AHCY: variants seen among roughly 807,000 people sequenced by gnomAD.
The protein encoded by AHCY is adenosylhomocysteinase, also known as S-adenosyl-L-homocysteine hydrolase.
Under a neutral mutation model 45.4 loss-of-function variants are expected in AHCY, and 24 were observed. That is an observed-to-expected ratio of 0.53 (90% CI 0.38 to 0.74). AHCY has a LOEUF of 0.74. Ranked by LOEUF, AHCY falls within the 30% of genes least tolerant of loss-of-function variation. The probability of loss-of-function intolerance (pLI) is 0.00; values close to 1 mark genes in which losing one functional copy is unlikely to be tolerated. For synonymous variants in AHCY, 245 were observed against 235.1 expected (o/e 1.04, Z -0.39); for missense variants, 449 against 594.1 (o/e 0.76, Z 2.54).
At chr20:34,296,939 C>T (rs549343151) in intron 1 of AHCY, among the ~76,000 whole-genome samples, 11 of 152,238 alleles carry the variant, frequency 7.2e-5, no homozygotes, top group African/African-American at 2.6e-4. Flanking sequence ...GAGACCACTC[C>T]GGCTGTGCCT....
the AHCY span, chr20:34,241,502 G>GT: frequency 1.0e-6 from 1 of 985,272 alleles, no homozygotes; most frequent in Non-Finnish European, 1.2e-6. Context: ...GAGTTTAGAT[G>GT]GCAACTTTAA....
In AHCY at chr20:34,287,140, G is replaced by C. The variant is rs145337397; in HGVS notation, c.973-1506C>G. Among the ~76,000 whole-genome samples, 480 of 152,178 alleles carry C rather than the reference G, an allele frequency of 3.2e-3. 3 individuals are homozygous for C. The highest frequency in any genetic ancestry group is 0.012 in the South Asian group (56 of 4,818). On this transcript the variant is annotated intron_variant, in intron 8 of 9. Transcript: ENST00000217426. ...CAAGCTGCTCCAGAGGCCTAGTACC[G>C]ATCCAAGGAAAGGTCTCTGATGCCC... is the stretch of plus-strand genomic sequence containing the variant.
At chr20:34,251,722 G>A in the AHCY span, among the ~76,000 whole-genome samples, 1 of 152,168 alleles carries the variant, frequency 6.6e-6, no homozygotes, top group Non-Finnish European at 1.5e-5. Context: ...GTAAGGAGGT[G>A]GGGCCTTTTG....
chr20:34,274,777 T>C, the AHCY span, among the ~76,000 whole-genome samples: 5 of 151,758 alleles, frequency 3.3e-5, no homozygotes, highest in Non-Finnish European at 5.9e-5. Flanking sequence ...CGAGCCCCCA[T>C]CTCTACAAAA....
chr20:34,245,952 T>C, the AHCY span: 1 of 1,521,752 alleles, frequency 6.6e-7, no homozygotes, highest in Non-Finnish European at 9.0e-7. Flanking sequence ...AATTTTCAAA[T>C]TCACTTCTTT....
chr20:34,305,463 G>C (rs1332819840), upstream of AHCY, among the ~76,000 whole-genome samples: 1 of 152,118 alleles, frequency 6.6e-6, no homozygotes, highest in Non-Finnish European at 1.5e-5. Context: ...AGGGAACGAG[G>C]GTCCACGCCT....
the AHCY span, among the ~76,000 whole-genome samples, chr20:34,240,916 T>A: frequency 6.6e-6 from 1 of 152,076 alleles, no homozygotes; most frequent in African/African-American, 2.4e-5. Context: ...GCAACCAGAA[T>A]GAGTATGAAG....
At position 34,303,243 on chromosome 20, in the gene AHCY, C is replaced by T; in HGVS notation, c.28G>A (p.Ala10Thr). The change falls in exon 1 of 10, where the codon GCC (alanine) becomes ACC (threonine). Residue 10 changes from alanine to threonine, a missense_variant and splice_region_variant. Coordinates refer to ENST00000217426, the MANE Select transcript of AHCY (RefSeq NM_000687.4). ...ACCGGCTGCAGGTCCTGGGACTCAC[C>T]GACTTTGTAGGGCAGTTTGTCAGAC... MSDKLPYKV[A>T]DIGLAAWGRK... The T allele has an allele frequency of 2.6e-6, 4 of 1,551,618 alleles. No homozygotes were observed. Among genetic ancestry groups the T allele is most frequent in the South Asian group, 1.2e-5 (1 of 84,066 alleles).
At chr20:34,283,262 G>A (rs773513956) in intron 9 of AHCY, among the ~76,000 whole-genome samples, 9 of 152,140 alleles carry the variant, frequency 5.9e-5, no homozygotes, top group African/African-American at 9.7e-5. Flanking sequence ...GACAGAGCTA[G>A]GTTCTATTCC....
At chr20:34,252,743 C>T in the AHCY span, among the ~76,000 whole-genome samples, 1 of 152,072 alleles carries the variant, frequency 6.6e-6, no homozygotes, top group South Asian at 2.1e-4. Flanking sequence ...CCCACGAGGC[C>T]ATATCTCAGG....
downstream of AHCY, among the ~76,000 whole-genome samples, chr20:34,275,682 CTTT>C (rs57480737): frequency 1.4e-5 from 2 of 140,112 alleles, no homozygotes. Flanking sequence ...TTATATCTTT[CTTT>C]TTTTTTTTTT....
At chr20:34,259,525 AAGAGTT>A in the AHCY span, among the ~76,000 whole-genome samples, 1 of 151,996 alleles carries the variant, frequency 6.6e-6, no homozygotes. Flanking sequence ...AAAAAATAAA[AAGAGTT>A]AGAAAATATA....
the AHCY span, among the ~76,000 whole-genome samples, chr20:34,245,474 G>C: frequency 6.7e-6 from 1 of 148,500 alleles, no homozygotes; most frequent in African/African-American, 2.5e-5. Context: ...TGCAACCTCC[G>C]CCTCCCAGGT....
At chr20:34,257,081 T>TTC in the AHCY span, among the ~76,000 whole-genome samples, 1 of 147,372 alleles carries the variant, frequency 6.8e-6, no homozygotes, top group Non-Finnish European at 1.5e-5. Flanking sequence ...TTTTTTTTTT[T>TTC]TGTTTTTTGT....
rs763705909 is a variant in AHCY at position 34,290,591 on chromosome 20, A to G, written c.814T>C (p.Phe272Leu). 2 of 1,614,168 alleles carry G rather than the reference A, an allele frequency of 1.2e-6. No individual in the cohort carries two copies. Among genetic ancestry groups the G allele is most frequent in the Non-Finnish European group, 1.7e-6 (2 of 1,180,038 alleles). The change falls in exon 7 of 10, where the codon TTT (phenylalanine) becomes CTT (leucine). Residue 272 changes from phenylalanine (F) to leucine (L), a missense_variant. Transcript: ENST00000217426. The surrounding 1 kb of genome is among the most constrained non-coding windows in gnomAD (Gnocchi z 4.5). ...MDEACQEGNI[F>L]VTTTGCIDII... ...TCAATACAGCCTGTGGTGGTGACAAAGATGTTGCCCTCCTGACAGGCCTCA... is the reference window on the plus strand; with the variant it reads ...TCAATACAGCCTGTGGTGGTGACAAGGATGTTGCCCTCCTGACAGGCCTCA...
At chr20:34,275,131 CTTTTTT>C in the AHCY span, among the ~76,000 whole-genome samples, 4 of 99,450 alleles carry the variant, frequency 4.0e-5, no homozygotes, top group Non-Finnish European at 4.6e-5. Context: ...TCTCTATTTT[CTTTTTT>C]TTTTTTTTTT....
intron 1 of AHCY, chr20:34,301,781 C>G (rs1805732680): frequency 1.0e-6 from 1 of 983,686 alleles, no homozygotes; most frequent in African/African-American, 1.7e-5. Context: ...GTTTCAGCAT[C>G]CACACAATGG....
intron 2 of AHCY, 147 bp downstream of exon 2, chr20:34,295,248 G>A (rs913667212): frequency 3.2e-5 from 31 of 981,580 alleles, no homozygotes; most frequent in Admixed American, 2.4e-4. Context: ...ACTGGGAAAC[G>A]GAGGAAACCG....
the AHCY span, among the ~76,000 whole-genome samples, chr20:34,264,445 C>G: frequency 3.3e-5 from 5 of 152,278 alleles, no homozygotes; most frequent in South Asian, 8.3e-4. Flanking sequence ...GTGTATTTTT[C>G]AATGTGTTTA....
Sources: gnomAD v4.1 joint callset for allele counts (sites outside exome capture counted in the v4.1 genomes callset) on GRCh38, gnomAD v4.1.1 for gene constraint, Gnocchi (gnomAD v3.1) non-coding constraint, MANE v1.5 for transcripts, NCBI Gene and HGNC (gene_info 2026-07-23, HGNC 2026-07-21) for gene names.